BLTP1: variants seen among roughly 807,000 people sequenced by gnomAD.
BLTP1 encodes the protein bridge-like lipid transfer protein family member 1, also known as fragile site-associated protein.
the BLTP1 span, chr4:122,224,885 G>T: frequency 6.9e-7 from 1 of 1,446,198 alleles, no homozygotes; most frequent in Non-Finnish European, 9.1e-7. Flanking sequence ...AATTTGTTGG[G>T]TGTAATGTGT....
the BLTP1 span, chr4:122,162,671 A>C: frequency 7.1e-5 from 70 of 984,982 alleles, no homozygotes; most frequent in Middle Eastern, 1.0e-3. Context: ...ACACAAATTA[A>C]ATGTTAAGAA....
the BLTP1 span, chr4:122,214,249 G>C: frequency 1.0e-6 from 1 of 954,164 alleles, no homozygotes; most frequent in Non-Finnish European, 1.2e-6. Flanking sequence ...ACTTGAAGTA[G>C]GTGACAAGAC....
the BLTP1 span, chr4:122,211,190 A>AT: frequency 8.9e-7 from 1 of 1,126,544 alleles, no homozygotes. Context: ...AGCCAGTTGG[A>AT]TTATTTAAAG....
chr4:122,359,407 T>C, the BLTP1 span: 3 of 1,344,620 alleles, frequency 2.2e-6, no homozygotes, highest in South Asian at 1.6e-5. Context: ...TTGGTACTTA[T>C]GGCTTATTTT....
At chr4:122,348,425 T>C in the BLTP1 span, 3 of 692,044 alleles carry the variant, frequency 4.3e-6, no homozygotes, top group African/African-American at 1.8e-5. Context: ...TTAGAGGCAA[T>C]AGGATAACCA....
At chr4:122,287,468 G>A in the BLTP1 span, 6 of 459,610 alleles carry the variant, frequency 1.3e-5, no homozygotes, top group African/African-American at 4.2e-5. Context: ...CTTAAGTCTC[G>A]AGACCTAGCT....
the BLTP1 span, among the ~76,000 whole-genome samples, chr4:122,303,706 G>A: frequency 6.6e-6 from 1 of 152,144 alleles, no homozygotes; most frequent in East Asian, 1.9e-4. Flanking sequence ...CAGACAGGGT[G>A]GAAATAGCAA....
the BLTP1 span, chr4:122,348,609 AAGC>A: frequency 6.2e-7 from 1 of 1,609,718 alleles, no homozygotes; most frequent in Middle Eastern, 1.7e-4. Context: ...AAATCAAACA[AAGC>A]AGCAAGCCAA....
chr4:122,293,588 T>G, the BLTP1 span, among the ~76,000 whole-genome samples: 1 of 135,530 alleles, frequency 7.4e-6, no homozygotes, highest in Non-Finnish European at 1.6e-5. Context: ...CTGTGTGGAG[T>G]CTCGGTGAAG....
the BLTP1 span, among the ~76,000 whole-genome samples, chr4:122,228,381 T>C: frequency 4.6e-5 from 7 of 152,212 alleles, no homozygotes; most frequent in African/African-American, 1.4e-4. Flanking sequence ...AAAATTCCTT[T>C]GTGTGTCTTT....
chr4:122,200,553 T>G, the BLTP1 span: 2 of 956,714 alleles, frequency 2.1e-6, no homozygotes, highest in Non-Finnish European at 2.4e-6. Flanking sequence ...CACTCCAGCT[T>G]GGGCAATAGA....
chr4:122,289,392 C>A, the BLTP1 span: 1 of 625,684 alleles, frequency 1.6e-6, no homozygotes, highest in Non-Finnish European at 2.0e-6. Flanking sequence ...ATAATATACA[C>A]ATTTAAGATT....
At chr4:122,315,480 C>G in the BLTP1 span, 1 of 1,613,882 alleles carries the variant, frequency 6.2e-7, no homozygotes, top group South Asian at 1.1e-5. Context: ...AGTGCTGGAA[C>G]CTGGACACTC....
chr4:122,174,249 A>T, the BLTP1 span: 1 of 984,866 alleles, frequency 1.0e-6, no homozygotes. Flanking sequence ...CAAGATTCTA[A>T]AGAAAAATGG....
the BLTP1 span, among the ~76,000 whole-genome samples, chr4:122,242,073 C>T: frequency 6.6e-6 from 1 of 152,072 alleles, no homozygotes; most frequent in Admixed American, 6.5e-5. Context: ...ATGGAGATTC[C>T]TCAAAAAATT....
At chr4:122,254,140 T>C in the BLTP1 span, 1 of 1,546,788 alleles carries the variant, frequency 6.5e-7, no homozygotes, top group African/African-American at 1.4e-5. Context: ...GCCTCTGTGT[T>C]AGTGGTTTTA....
At chr4:122,351,858 A>G in the BLTP1 span, among the ~76,000 whole-genome samples, 2 of 152,250 alleles carry the variant, frequency 1.3e-5, no homozygotes, top group Non-Finnish European at 2.9e-5. Flanking sequence ...AAAACATAAT[A>G]AATGAATACA....
the BLTP1 span, among the ~76,000 whole-genome samples, chr4:122,283,799 C>CA: frequency 6.6e-6 from 1 of 152,166 alleles, no homozygotes; most frequent in Admixed American, 6.5e-5. Context: ...CATCAGCCAC[C>CA]ATGCCTGGCC....
the BLTP1 span, among the ~76,000 whole-genome samples, chr4:122,340,356 T>C: frequency 6.6e-6 from 1 of 152,122 alleles, no homozygotes; most frequent in South Asian, 2.1e-4. Context: ...GAGAGAGGCA[T>C]GAAGACAGTG....
Sources: gnomAD v4.1 joint callset for allele counts (sites outside exome capture counted in the v4.1 genomes callset) on GRCh38, gnomAD v4.1.1 for gene constraint, MANE v1.5 for transcripts, NCBI Gene and HGNC (gene_info 2026-07-23, HGNC 2026-07-21) for gene names.